CNTN4: variants seen among roughly 807,000 people sequenced by gnomAD.
The protein encoded by CNTN4 is contactin-4.
CNTN4 carries 77 observed loss-of-function variants against 122.5 expected under a neutral mutation model. That is an observed-to-expected ratio of 0.63 (90% confidence interval 0.52 to 0.76). The LOEUF is 0.76. Ranked by LOEUF, CNTN4 falls within the 30% of genes least tolerant of loss-of-function variation. The pLI is 0.00. For synonymous variants in CNTN4, 512 were observed against 447.0 expected (o/e 1.15, Z -1.83); for missense variants, 1,256 against 1,259.1 (o/e 1.00, Z 0.04).
At chr3:3,030,516 G>C (rs1328442828) in intron 15 of CNTN4, among the ~76,000 whole-genome samples, 3 of 152,190 alleles carry the variant, frequency 2.0e-5, no homozygotes, top group African/African-American at 7.2e-5. Context: ...CATAGGCTGA[G>C]GGCATTTCTG....
At chr3:2,719,318 C>G (rs971354037) in intron 4 of CNTN4, among the ~76,000 whole-genome samples, 3 of 144,828 alleles carry the variant, frequency 2.1e-5, no homozygotes, top group African/African-American at 5.2e-5. Flanking sequence ...TTTTTTTAGA[C>G]AGAGTCTCAC....
At chr3:2,124,541 C>CACTT (rs2034018647) in intron 2 of CNTN4, among the ~76,000 whole-genome samples, 1 of 151,668 alleles carries the variant, frequency 6.6e-6, no homozygotes, top group African/African-American at 2.4e-5. Context: ...GCGGGAGGAC[C>CACTT]ACTTGAGCCC....
intron 3 of CNTN4, among the ~76,000 whole-genome samples, chr3:2,446,459 C>T (rs1018880149): frequency 2.0e-5 from 3 of 152,192 alleles, no homozygotes; most frequent in African/African-American, 7.2e-5. Flanking sequence ...TCCCATTTAA[C>T]TGGCATCTTT....
chr3:2,678,924 A>C, intron 4 of CNTN4, among the ~76,000 whole-genome samples: 1 of 152,184 alleles, frequency 6.6e-6, no homozygotes, highest in East Asian at 1.9e-4. Flanking sequence ...AAGGGGTAAA[A>C]GTACAGCTGT....
intron 2 of CNTN4, among the ~76,000 whole-genome samples, chr3:2,337,101 C>A (rs1013065834): frequency 6.6e-6 from 1 of 152,062 alleles, no homozygotes; most frequent in Admixed American, 6.6e-5. Flanking sequence ...GGGTCAGTCC[C>A]ATATATTCCC....
At chr3:2,337,742 A>G (rs1039395624) in intron 2 of CNTN4, among the ~76,000 whole-genome samples, 1 of 152,052 alleles carries the variant, frequency 6.6e-6, no homozygotes, top group African/African-American at 2.4e-5. Flanking sequence ...TGTAATCTCT[A>G]CCTTCTTTCT....
chr3:2,527,090 G>A (rs1400702630), intron 3 of CNTN4, among the ~76,000 whole-genome samples: 1 of 152,164 alleles, frequency 6.6e-6, no homozygotes, highest in Admixed American at 6.6e-5. Flanking sequence ...GAATGAGGTT[G>A]CATCCAGCTG....
At chr3:2,647,017 C>G (rs1249786011) in intron 4 of CNTN4, among the ~76,000 whole-genome samples, 6 of 152,138 alleles carry the variant, frequency 3.9e-5, no homozygotes, top group African/African-American at 1.2e-4. Context: ...TCCCTTATAT[C>G]TGGTAGAGAC....
intron 4 of CNTN4, among the ~76,000 whole-genome samples, chr3:2,692,603 G>A (rs2085801756): frequency 6.6e-6 from 1 of 152,076 alleles, no homozygotes; most frequent in Non-Finnish European, 1.5e-5. Flanking sequence ...AGTATATCAT[G>A]AACAGCTCTC....
chr3:3,014,088 CCCT>C (rs2125533352), intron 14 of CNTN4, among the ~76,000 whole-genome samples: 1 of 140,588 alleles, frequency 7.1e-6, no homozygotes, highest in Admixed American at 7.2e-5. Context: ...ACACACACAC[CCCT>C]AGGGGTTTTG....
At chr3:2,286,367 A>G (rs999323995) in intron 2 of CNTN4, among the ~76,000 whole-genome samples, 7 of 151,812 alleles carry the variant, frequency 4.6e-5, no homozygotes, top group Middle Eastern at 6.8e-3. Context: ...TTTTTTAAGT[A>G]TATAGGAACT....
chr3:2,981,551 AC>A lies in CNTN4; in HGVS notation c.1359-6793del, dbSNP rs773148666. ...CACTATCCTTGGACTGGATTTAGGT[AC>A]TATATTCATGAAAAAAAAAAAGAAT... On this transcript the variant is annotated intron_variant, in intron 13 of 24. Transcript: ENST00000418658. Among the ~76,000 whole-genome samples, 174 of 150,396 alleles carry A rather than the reference AC, an allele frequency of 1.2e-3. 2 individuals carry two copies. The East Asian group carries it at 0.017, about 15-fold the overall frequency.
chr3:2,243,858 A>G (rs567549479), intron 2 of CNTN4, among the ~76,000 whole-genome samples: 1 of 152,226 alleles, frequency 6.6e-6, no homozygotes, highest in South Asian at 2.1e-4. Context: ...GTAAGTTGCC[A>G]TACTTCTGCA....
chr3:2,717,271 G>A (rs2087553651), intron 4 of CNTN4, among the ~76,000 whole-genome samples: 1 of 152,046 alleles, frequency 6.6e-6, no homozygotes, highest in Non-Finnish European at 1.5e-5. Flanking sequence ...TTCCTAAATT[G>A]TGCAAATAAT....
intron 3 of CNTN4, among the ~76,000 whole-genome samples, chr3:2,556,763 G>A (rs1176354602): frequency 6.6e-6 from 1 of 151,914 alleles, no homozygotes; most frequent in Non-Finnish European, 1.5e-5. Context: ...AACCATATGA[G>A]GAATGTCTAC....
intron 2 of CNTN4, among the ~76,000 whole-genome samples, chr3:2,105,614 A>G (rs2032376569): frequency 6.6e-6 from 1 of 152,186 alleles, no homozygotes; most frequent in Non-Finnish European, 1.5e-5. Context: ...AACTGCTTCC[A>G]CAATGCAATC....
intron 7 of CNTN4, among the ~76,000 whole-genome samples, chr3:2,822,243 T>C (rs974679056): frequency 1.3e-5 from 2 of 152,254 alleles, no homozygotes; most frequent in African/African-American, 4.8e-5. Context: ...GATATGAGTT[T>C]TGATCCTTGT....
intron 3 of CNTN4, among the ~76,000 whole-genome samples, chr3:2,394,121 A>G (rs1190765652): frequency 6.6e-6 from 1 of 152,122 alleles, no homozygotes; most frequent in Non-Finnish European, 1.5e-5. Flanking sequence ...TTTTAGGCAT[A>G]TTAATGAACA....
intron 4 of CNTN4, among the ~76,000 whole-genome samples, chr3:2,664,057 A>G (rs2084032247): frequency 6.6e-6 from 1 of 152,188 alleles, no homozygotes; most frequent in Non-Finnish European, 1.5e-5. Context: ...GGTTTTTTGC[A>G]GGAATTAGGA....
Sources: allele counts gnomAD v4.1 joint callset (sites outside exome capture counted in the v4.1 genomes callset), GRCh38; gene constraint gnomAD v4.1.1; transcripts MANE v1.5; gene names NCBI Gene and HGNC (gene_info 2026-07-23, HGNC 2026-07-21).